GUCY1A2: variants seen among roughly 807,000 people sequenced by gnomAD.
The protein encoded by GUCY1A2 is guanylate cyclase soluble subunit alpha-2.
In GUCY1A2, 27 loss-of-function variants were observed where a neutral mutation model predicts 63.5. The observed-to-expected ratio is 0.43, with a 90% confidence interval of 0.31 to 0.59. The LOEUF (loss-of-function observed/expected upper bound fraction) is 0.59, where lower values mean the gene tolerates loss of function less well. Among genes scored for constraint, GUCY1A2 ranks in the 20% least tolerant of loss-of-function variants. The pLI, the probability that GUCY1A2 is intolerant of heterozygous loss-of-function variation, is 0.11. For missense variants in GUCY1A2, 768 were observed against 913.3 expected, an observed-to-expected ratio of 0.84 and a Z score of 2.05; for synonymous variants, 364 against 343.5, an observed-to-expected ratio of 1.06 and a Z score of -0.66.
At chr11:106,783,343 G>A (rs552739094) in intron 5 of GUCY1A2, among the ~76,000 whole-genome samples, 1 of 152,334 alleles carries the variant, frequency 6.6e-6, no homozygotes, top group East Asian at 1.9e-4. Context: ...TGTTGGCCAA[G>A]CACAGGTCCA....
intron 2 of GUCY1A2, among the ~76,000 whole-genome samples, chr11:106,982,885 T>A (rs1023276731): frequency 2.0e-5 from 3 of 152,148 alleles, no homozygotes; most frequent in Non-Finnish European, 4.4e-5. Flanking sequence ...TAATAAGCCA[T>A]CATATAGTTT....
In GUCY1A2 at chr11:106,978,096, T is replaced by C. The variant is rs1861286169; in HGVS notation, c.487+523A>G. ...GGAGCATCCAAAAACAGCCCCTCTG[T>C]CATAAGTACAAATATCTTTAAGATG... On this transcript the variant is annotated intron_variant, in intron 3 of 7. Transcript: ENST00000526355. Among the ~76,000 whole-genome samples the C allele has an allele frequency of 2.6e-5, 4 of 152,010 alleles. No homozygotes were observed. The South Asian group carries it at 8.3e-4, about 32-fold the overall frequency.
At chr11:106,882,420 T>C (rs923763000) in intron 4 of GUCY1A2, among the ~76,000 whole-genome samples, 2 of 151,996 alleles carry the variant, frequency 1.3e-5, no homozygotes, top group Admixed American at 6.6e-5. Context: ...CTTGTAAGAA[T>C]TTAATGGAGT....
intron 4 of GUCY1A2, among the ~76,000 whole-genome samples, chr11:106,872,898 G>A (rs575883369): frequency 9.3e-5 from 14 of 151,158 alleles, no homozygotes; most frequent in South Asian, 2.1e-4. Context: ...CCATTGACCC[G>A]TCCTCTGAAG....
At chr11:106,867,028 T>C (rs1859603655) in intron 4 of GUCY1A2, among the ~76,000 whole-genome samples, 1 of 152,038 alleles carries the variant, frequency 6.6e-6, no homozygotes, top group Non-Finnish European at 1.5e-5. Flanking sequence ...ATACTATCTA[T>C]GCATTTCAAC....
At chr11:106,974,845 A>C (rs1304387351) in intron 3 of GUCY1A2, among the ~76,000 whole-genome samples, 1 of 152,172 alleles carries the variant, frequency 6.6e-6, no homozygotes, top group African/African-American at 2.4e-5. Flanking sequence ...GAGGAAATGC[A>C]CTTAGCAAGG....
intron 6 of GUCY1A2, among the ~76,000 whole-genome samples, chr11:106,716,791 AAAAG>A (rs1565267658): frequency 1.4e-5 from 2 of 144,036 alleles, no homozygotes; most frequent in East Asian, 3.9e-4. Context: ...AAAAAAAAAA[AAAAG>A]ATAAGAGTAA....
At chr11:106,718,283 G>A (rs183232077) in intron 6 of GUCY1A2, among the ~76,000 whole-genome samples, 4 of 137,836 alleles carry the variant, frequency 2.9e-5, no homozygotes, top group East Asian at 3.9e-4. Flanking sequence ...AATAAAACAC[G>A]GTAAAATTTT....
At chr11:106,797,173 C>T (rs891695041) in intron 5 of GUCY1A2, among the ~76,000 whole-genome samples, 3 of 152,024 alleles carry the variant, frequency 2.0e-5, no homozygotes, top group Non-Finnish European at 2.9e-5. Flanking sequence ...GTTAGCCATT[C>T]GTCTAATCTT....
At position 106,958,362 on chromosome 11, in the gene GUCY1A2, A is replaced by G. The variant is rs182816670; in HGVS notation, c.488-18184T>C. On this transcript the variant is annotated intron_variant, in intron 3 of 7. Coordinates refer to ENST00000526355, the MANE Select transcript of GUCY1A2 (RefSeq NM_000855.3). ...AGGAAGCTTGCTCTTCCAAAACTGA[A>G]TATCTCCAGTAATTACAAAATTCCT... Among the ~76,000 whole-genome samples the G allele has an allele frequency of 2.8e-3, 426 of 152,282 alleles. 8 individuals are homozygous for G. Among genetic ancestry groups the G allele is most frequent in the Non-Finnish European group, 1.7e-3 (117 of 68,016 alleles).
chr11:106,983,007 T>G (rs1861357436), intron 2 of GUCY1A2, among the ~76,000 whole-genome samples: 1 of 152,206 alleles, frequency 6.6e-6, no homozygotes, highest in African/African-American at 2.4e-5. Context: ...AATCAGAACC[T>G]CTGGGAGCAG....
chr11:107,000,035 C>T (rs556964846), intron 1 of GUCY1A2, among the ~76,000 whole-genome samples: 334 of 152,308 alleles, frequency 2.2e-3, no homozygotes, highest in African/African-American at 7.6e-3. Context: ...GCCTCCTCCA[C>T]CACAATTCAT....
intron 4 of GUCY1A2, among the ~76,000 whole-genome samples, chr11:106,914,304 C>T (rs749815936): frequency 2.6e-5 from 4 of 152,006 alleles, no homozygotes; most frequent in Non-Finnish European, 5.9e-5. Flanking sequence ...TTTATAGTGC[C>T]ACTCCTAATG....
intron 4 of GUCY1A2, among the ~76,000 whole-genome samples, chr11:106,890,055 C>G (rs1217431987): frequency 1.3e-5 from 2 of 152,112 alleles, no homozygotes; most frequent in Non-Finnish European, 2.9e-5. Context: ...CCTAATTTGT[C>G]ACTTCACCTG....
intron 7 of GUCY1A2, among the ~76,000 whole-genome samples, chr11:106,690,724 C>A (rs1049604361): frequency 6.6e-6 from 1 of 152,170 alleles, no homozygotes; most frequent in Non-Finnish European, 1.5e-5. Flanking sequence ...AAATGCTCAT[C>A]TCCACCAAAT....
rs752634581 is a variant in GUCY1A2, at chr11:106,678,014, T to C, written c.*9535A>G. 2 of 202,564 alleles carry C rather than the reference T, an allele frequency of 9.9e-6. No individual in the cohort carries two copies. The highest frequency in any genetic ancestry group is 2.0e-5 in the Non-Finnish European group (2 of 98,576). The allele number at this position is 202,564 out of a possible 1,614,324, so 12.5% of individuals were successfully genotyped here. A position where few individuals can be genotyped will look rare whatever the true frequency, so the allele number is the denominator to read the frequency against. ...GAGTTATATAACAAATAAATGAATT[T>C]TATGAGTGCCTGGTGACACACTTGA... On this transcript the variant is annotated 3_prime_UTR_variant, in exon 8 of 8. Transcript: ENST00000526355.
At chr11:106,741,431 A>G (rs1863692342) in intron 6 of GUCY1A2, among the ~76,000 whole-genome samples, 1 of 152,136 alleles carries the variant, frequency 6.6e-6, no homozygotes, top group African/African-American at 2.4e-5. Flanking sequence ...TTTATTGAAC[A>G]AAAAAGGCAG....
In GUCY1A2 at chr11:106,827,787, G is replaced by C. The variant is rs1360212109; in HGVS notation, c.1207-17309C>G. The C allele has an allele frequency of 2.0e-5, 31 of 1,553,184 alleles. 1 individual carries two copies. The South Asian group carries it at 3.5e-4, about 17-fold the overall frequency. ...AGCTGTTACCAAGAGAATATCTTCT[G>C]ATGGAAAGTGAGTAGCCAACTGCTC... On this transcript the variant is annotated intron_variant, in intron 4 of 7. Transcript: ENST00000526355.
At chr11:106,703,639 C>A (rs1452314574) in intron 7 of GUCY1A2, among the ~76,000 whole-genome samples, 1 of 152,174 alleles carries the variant, frequency 6.6e-6, no homozygotes, top group African/African-American at 2.4e-5. Context: ...CTCATGACGC[C>A]CACGCTGATT....
Sources: gnomAD v4.1 joint callset for allele counts (sites outside exome capture counted in the v4.1 genomes callset) on GRCh38, gnomAD v4.1.1 for gene constraint, MANE v1.5 for transcripts, NCBI Gene and HGNC (gene_info 2026-07-23, HGNC 2026-07-21) for gene names.